Variants in MEIG1 observed in about 807,000 individuals in gnomAD.
MEIG1 encodes the protein meiosis/spermiogenesis associated 1.
A neutral mutation model predicts 11.3 loss-of-function variants in MEIG1; 12 were observed. The observed-to-expected ratio is 1.07, with a 90% CI of 0.68 to 1.73. MEIG1 has a LOEUF of 1.73. Ranked by LOEUF, MEIG1 falls within the 40% of genes most tolerant of loss-of-function variation. The pLI, the probability that MEIG1 is intolerant of heterozygous loss-of-function variation, is 0.00. For synonymous variants in MEIG1, 41 were observed against 33.2 expected, an observed-to-expected ratio of 1.24 and a Z score of -0.81; for missense variants, 119 against 104.9, an observed-to-expected ratio of 1.13 and a Z score of -0.59.
rs1197709042 is a variant in MEIG1 at position 14,985,821 on chromosome 10, G to A, written n.67-975G>A. Among the ~76,000 whole-genome samples the A allele has an allele frequency of 2.6e-5, 4 of 152,048 alleles. No homozygotes were observed. The South Asian group carries it at 8.3e-4, about 32-fold the overall frequency. On this transcript the variant is annotated intron_variant and non_coding_transcript_variant, in intron 1 of 2. Coordinates refer to the MEIG1 transcript ENST00000467536. ...AGATATTAATTCAAATATCACAGTG[G>A]ATGTACACACATAGTGTATACCCTG...
At chr10:14,966,932 C>T (rs1479909413) in intron 2 of MEIG1, among the ~76,000 whole-genome samples, 2 of 152,106 alleles carry the variant, frequency 1.3e-5, no homozygotes, top group Non-Finnish European at 2.9e-5. Context: ...GGGATTTTGC[C>T]GTGTTTGGCC....
intron 1 of MEIG1, among the ~76,000 whole-genome samples, chr10:14,985,839 A>G (rs1843313178): frequency 6.6e-6 from 1 of 152,060 alleles, no homozygotes; most frequent in South Asian, 2.1e-4. Context: ...CACATAGTGT[A>G]TACCCTGTGA....
downstream of MEIG1, among the ~76,000 whole-genome samples, chr10:14,974,542 G>A (rs1247612910): frequency 6.6e-6 from 1 of 151,982 alleles, no homozygotes; most frequent in Non-Finnish European, 1.5e-5. Context: ...TCCCCGTTTT[G>A]GGTCGTAAAC....
downstream of MEIG1, among the ~76,000 whole-genome samples, chr10:14,976,384 A>G (rs1156229018): frequency 6.6e-6 from 1 of 152,186 alleles, no homozygotes; most frequent in Non-Finnish European, 1.5e-5. Context: ...GAATAATGTC[A>G]CAATGTGTGT....
intron 2 of MEIG1, among the ~76,000 whole-genome samples, chr10:14,969,611 G>A (rs1014288774): frequency 9.9e-5 from 15 of 152,254 alleles, no homozygotes; most frequent in South Asian, 4.2e-4. Flanking sequence ...GAGGCGGGCC[G>A]TTCACCTGCA....
chr10:14,984,837 T>C (rs992973819), intron 1 of MEIG1, among the ~76,000 whole-genome samples: 1 of 151,060 alleles, frequency 6.6e-6, no homozygotes, highest in African/African-American at 2.4e-5. Context: ...TGATGGTATG[T>C]GCAATATTCT....
At chr10:14,975,522 T>A (rs1390687503), downstream of MEIG1, among the ~76,000 whole-genome samples, 1 of 151,512 alleles carries the variant, frequency 6.6e-6, no homozygotes, top group Non-Finnish European at 1.5e-5. Flanking sequence ...GTTGCTATTA[T>A]CCAGAAGAGG....
intron 2 of MEIG1, among the ~76,000 whole-genome samples, chr10:14,967,732 G>A (rs1451120428): frequency 6.6e-6 from 1 of 152,114 alleles, no homozygotes; most frequent in Non-Finnish European, 1.5e-5. Flanking sequence ...ACAACTACTA[G>A]TAACCTAGTG....
intron 1 of MEIG1, among the ~76,000 whole-genome samples, chr10:14,979,134 C>G (rs188174691): frequency 4.7e-4 from 71 of 152,060 alleles, no homozygotes; most frequent in Non-Finnish European, 8.8e-4. Flanking sequence ...GGGTGTACTC[C>G]CTGTGATATT....
intron 1 of MEIG1, among the ~76,000 whole-genome samples, chr10:14,979,104 C>T (rs946930308): frequency 6.6e-6 from 1 of 151,952 alleles, no homozygotes; most frequent in African/African-American, 2.4e-5. Context: ...CCTCATGGGT[C>T]ATTCCTCCTA....
intron 1 of MEIG1, among the ~76,000 whole-genome samples, chr10:14,978,659 G>A (rs1450448920): frequency 6.6e-6 from 1 of 151,962 alleles, no homozygotes; most frequent in Admixed American, 6.6e-5. Flanking sequence ...CTCCTAGACG[G>A]ATGTTACACC....
downstream of MEIG1, among the ~76,000 whole-genome samples, chr10:14,977,665 ATGTGGGTATACC>A (rs1564508550): frequency 4.6e-5 from 7 of 151,756 alleles, no homozygotes; most frequent in East Asian, 1.4e-3. Flanking sequence ...GGTGTACCCC[ATGTGGGTATACC>A]CTGTGATATT....
intron 1 of MEIG1, among the ~76,000 whole-genome samples, chr10:14,981,483 G>T (rs7898588): frequency 0.32 from 48,573 of 151,908 alleles, 8,174 homozygotes; most frequent in African/African-American, 0.41. Context: ...CTTGCTTTGC[G>T]GAAACCCCCG....
At chr10:14,977,689 T>C (rs1843225354), downstream of MEIG1, among the ~76,000 whole-genome samples, 1 of 151,984 alleles carries the variant, frequency 6.6e-6, no homozygotes, top group Non-Finnish European at 1.5e-5. Context: ...TGTGATATTA[T>C]TTGTAATATC....
chr10:14,977,530 T>C (rs1431805037), downstream of MEIG1, among the ~76,000 whole-genome samples: 1 of 151,934 alleles, frequency 6.6e-6, no homozygotes. Flanking sequence ...CACCCTTCGA[T>C]ATTATTTGTA....
chr10:14,984,779 T>C (rs952781937), intron 1 of MEIG1, among the ~76,000 whole-genome samples: 4 of 152,144 alleles, frequency 2.6e-5, no homozygotes, highest in African/African-American at 9.7e-5. Flanking sequence ...TTATTCGTTA[T>C]AATTTTGTGG....
intron 1 of MEIG1, among the ~76,000 whole-genome samples, chr10:14,984,836 G>C (rs1293478128): frequency 6.6e-6 from 1 of 152,024 alleles, no homozygotes; most frequent in Non-Finnish European, 1.5e-5. Flanking sequence ...GTGATGGTAT[G>C]TGCAATATTC....
intron 1 of MEIG1, among the ~76,000 whole-genome samples, chr10:14,965,675 T>TGA (rs749211535): frequency 0.01 from 1,037 of 101,166 alleles, 11 homozygotes; most frequent in East Asian, 0.037. Flanking sequence ...ATTCCCTTTT[T>TGA]GAGAGAGAGA....
chr10:14,970,640 A>T (rs1040330521), intron 2 of MEIG1: 1 of 152,274 alleles, frequency 6.6e-6, no homozygotes, highest in Non-Finnish European at 1.5e-5. Context: ...AAGGCTTCTC[A>T]GATATGCTGT....
Sources: allele counts gnomAD v4.1 joint callset (sites outside exome capture counted in the v4.1 genomes callset), GRCh38; gene constraint gnomAD v4.1.1; transcripts MANE v1.5; gene names NCBI Gene and HGNC (gene_info 2026-07-23, HGNC 2026-07-21).